The following ANK3 variants were observed in gnomAD, a reference collection of about 807,000 sequenced individuals.
The protein encoded by ANK3 is ankyrin-3.
ANK3 carries 57 observed loss-of-function variants against 370.9 expected under a neutral mutation model. That is an observed-to-expected ratio of 0.15 (90% CI 0.12 to 0.19). ANK3 has a LOEUF of 0.19. ANK3 is among the 10% of genes least tolerant of loss of function. The probability of loss-of-function intolerance (pLI) is 1.00; values close to 1 mark genes in which losing one functional copy is unlikely to be tolerated. For synonymous variants in ANK3, 1,929 were observed against 1,946.3 expected, an observed-to-expected ratio of 0.99 and a Z score of 0.23; for missense variants, 4,439 against 5,302.1, an observed-to-expected ratio of 0.84 and a Z score of 5.06.
At chr10:60,621,642 T>G (rs1309430342) in intron 1 of ANK3, among the ~76,000 whole-genome samples, 1 of 152,312 alleles carries the variant, frequency 6.6e-6, no homozygotes, top group East Asian at 1.9e-4. Flanking sequence ...ACAGTTAGAA[T>G]TAACTACTAG....
In ANK3 at chr10:60,073,618, A is replaced by G. The variant is rs765792452; in HGVS notation, c.7263T>C (p.Asp2421=). The G allele has an allele frequency of 5.6e-6, 9 of 1,613,994 alleles. No homozygotes were observed. Among genetic ancestry groups the G allele is most frequent in the East Asian group, 2.2e-5 (1 of 44,850 alleles). ...RVNTPVSQEE[D]SRPSSAQLIS... ...TGAGTTGAGCAGAACTAGGGCGGCT[A>G]TCTTCTTCTTGGGACACAGGAGTGT... is the stretch of plus-strand genomic sequence containing the variant. The change falls in exon 37 of 44, where the codon GAT becomes GAC. Residue 2421 remains aspartate (D), a synonymous_variant. Transcript: ENST00000280772.
intron 28 of ANK3, among the ~76,000 whole-genome samples, chr10:60,097,390 T>C (rs1271899735): frequency 6.6e-6 from 1 of 152,180 alleles, no homozygotes; most frequent in Non-Finnish European, 1.5e-5. Context: ...TGACTTCTCA[T>C]TGACCCATCT....
intron 1 of ANK3, among the ~76,000 whole-genome samples, chr10:60,715,475 T>C (rs942960186): frequency 1.3e-5 from 2 of 152,018 alleles, no homozygotes; most frequent in African/African-American, 4.8e-5. Flanking sequence ...AATGAATTCA[T>C]AGAATCAGCA....
At chr10:60,169,624 C>T (rs2095726896) in intron 21 of ANK3, among the ~76,000 whole-genome samples, 2 of 152,028 alleles carry the variant, frequency 1.3e-5, no homozygotes, top group Non-Finnish European at 2.9e-5. Context: ...CACATGTAAG[C>T]AGTGGGGAAT....
At chr10:60,437,317 C>A (rs1344482319) in intron 2 of ANK3, among the ~76,000 whole-genome samples, 1 of 152,014 alleles carries the variant, frequency 6.6e-6, no homozygotes, top group Non-Finnish European at 1.5e-5. Flanking sequence ...TGCCACTAGG[C>A]AAAGGTGGAC....
At chr10:60,060,183 G>C (rs1190535413) in intron 40 of ANK3, 1 of 465,426 alleles carries the variant, frequency 2.1e-6, no homozygotes, top group African/African-American at 2.0e-5. Flanking sequence ...AAAAAGCCTA[G>C]TGCAAACTCC....
At chr10:60,558,604 T>C (rs1486501294) in intron 2 of ANK3, among the ~76,000 whole-genome samples, 1 of 152,190 alleles carries the variant, frequency 6.6e-6, no homozygotes, top group Non-Finnish European at 1.5e-5. Context: ...AGAACACAAA[T>C]ATGTGTAAAA....
chr10:60,240,049 A>ATC (rs33965057), intron 7 of ANK3, among the ~76,000 whole-genome samples: 2 of 12,240 alleles, frequency 1.6e-4, no homozygotes, highest in South Asian at 5.9e-3. Context: ...ATATATATAC[A>ATC]TATATACACA....
At chr10:60,596,680 T>C (rs1008448689) in intron 2 of ANK3, among the ~76,000 whole-genome samples, 1 of 152,224 alleles carries the variant, frequency 6.6e-6, no homozygotes, top group African/African-American at 2.4e-5. Context: ...AGTACATTTT[T>C]GAAACAAGTA....
chr10:60,146,732 G>A (rs972467319), intron 23 of ANK3, among the ~76,000 whole-genome samples: 4 of 152,046 alleles, frequency 2.6e-5, no homozygotes, highest in Admixed American at 6.6e-5. Context: ...CAGATGATTC[G>A]GCCTCCCAAA....
At chr10:60,653,549 G>C (rs1383380973) in intron 1 of ANK3, among the ~76,000 whole-genome samples, 1 of 152,092 alleles carries the variant, frequency 6.6e-6, no homozygotes, top group African/African-American at 2.4e-5. Flanking sequence ...ATAGTAATCA[G>C]GTAATGTGAC....
At chr10:60,249,626 CTT>C (rs1370644325) in intron 7 of ANK3, among the ~76,000 whole-genome samples, 1 of 152,140 alleles carries the variant, frequency 6.6e-6, no homozygotes, top group African/African-American at 2.4e-5. Context: ...AAAACAATGT[CTT>C]TGAAGTTTCT....
At chr10:60,381,346 T>C (rs1159986786) in intron 1 of ANK3, among the ~76,000 whole-genome samples, 2 of 152,206 alleles carry the variant, frequency 1.3e-5, no homozygotes, top group Non-Finnish European at 2.9e-5. Context: ...AGCAATCATT[T>C]AGCTACTGAG....
At chr10:60,644,484 T>TA (rs1396006871) in intron 1 of ANK3, among the ~76,000 whole-genome samples, 1 of 152,196 alleles carries the variant, frequency 6.6e-6, no homozygotes, top group East Asian at 1.9e-4. Context: ...CGTTTTAAAT[T>TA]ATTCTTTGAA....
intron 2 of ANK3, among the ~76,000 whole-genome samples, chr10:60,586,857 G>A (rs2077839032): frequency 6.6e-6 from 1 of 152,192 alleles, no homozygotes; most frequent in Non-Finnish European, 1.5e-5. Context: ...TGAAAGTACA[G>A]GATTCTGAGC....
intron 7 of ANK3, among the ~76,000 whole-genome samples, chr10:60,246,255 C>CAAAAAAAAAAAAAAA (rs869144298): frequency 9.5e-4 from 88 of 92,568 alleles, no homozygotes; most frequent in African/African-American, 1.7e-3. Flanking sequence ...AACCCTGTAT[C>CAAAAAAAAAAAAAAA]AAAAAAAAAA....
intron 1 of ANK3, among the ~76,000 whole-genome samples, chr10:60,642,557 T>C (rs1254727391): frequency 6.6e-6 from 1 of 150,412 alleles, no homozygotes; most frequent in Non-Finnish European, 1.5e-5. Context: ...CTGCATGTTC[T>C]CACTCATAGG....
At chr10:60,239,404 A>C (rs2097387658) in intron 7 of ANK3, among the ~76,000 whole-genome samples, 1 of 151,186 alleles carries the variant, frequency 6.6e-6, no homozygotes, top group East Asian at 1.9e-4. Flanking sequence ...GAAAAAAGAC[A>C]CATCTCATAC....
chr10:60,504,291 C>T (rs1261377194), intron 2 of ANK3, among the ~76,000 whole-genome samples: 2 of 152,138 alleles, frequency 1.3e-5, no homozygotes, highest in Non-Finnish European at 2.9e-5. Context: ...GTGAGGGCAG[C>T]AGGTTCAGTC....
Sources: allele counts gnomAD v4.1 joint callset (sites outside exome capture counted in the v4.1 genomes callset), GRCh38; gene constraint gnomAD v4.1.1; transcripts MANE v1.5; gene names NCBI Gene and HGNC (gene_info 2026-07-23, HGNC 2026-07-21).